Variants in ZMYM4 observed in about 807,000 individuals in gnomAD.
ZMYM4 encodes zinc finger MYM-type containing 4, also known as zinc finger MYM-type protein 4.
A neutral mutation model predicts 183.2 loss-of-function variants in ZMYM4; 31 were observed. The ratio of observed to expected loss-of-function variants is 0.17; its 90% confidence interval spans 0.13 to 0.23. The LOEUF (loss-of-function observed/expected upper bound fraction) is 0.23. Ranked by LOEUF, ZMYM4 falls within the 10% of genes least tolerant of loss-of-function variation. ZMYM4 has a pLI of 1.00. For synonymous variants in ZMYM4, 592 were observed against 631.2 expected, an observed-to-expected ratio of 0.94 and a Z score of 0.93; for missense variants, 1,273 against 1,840.3, an observed-to-expected ratio of 0.69 and a Z score of 5.64.
At chr1:35,410,590 G>A (rs551150405) in intron 26 of ZMYM4, among the ~76,000 whole-genome samples, 3 of 151,684 alleles carry the variant, frequency 2.0e-5, no homozygotes, top group South Asian at 2.1e-4. Flanking sequence ...CCAGGTTCAC[G>A]CCATTTTCCT....
intron 2 of ZMYM4, among the ~76,000 whole-genome samples, chr1:35,355,792 TC>T (rs1275444965): frequency 6.6e-6 from 1 of 152,344 alleles, no homozygotes; most frequent in Admixed American, 6.5e-5. Context: ...AAATAATTCT[TC>T]CGTAGTTTAT....
At chr1:35,363,074 A>G (rs1039405471) in intron 5 of ZMYM4, among the ~76,000 whole-genome samples, 2 of 152,164 alleles carry the variant, frequency 1.3e-5, no homozygotes, top group Non-Finnish European at 2.9e-5. Context: ...TCGGAGGCTG[A>G]GGGAGGAGAA....
intron 26 of ZMYM4, among the ~76,000 whole-genome samples, chr1:35,408,418 A>T (rs1461879692): frequency 1.3e-5 from 2 of 152,176 alleles, no homozygotes; most frequent in African/African-American, 4.8e-5. Flanking sequence ...TGACCTAGGA[A>T]ATTCTTAGAG....
chr1:35,310,087 G>A (rs966481758), intron 1 of ZMYM4, among the ~76,000 whole-genome samples: 4 of 151,832 alleles, frequency 2.6e-5, no homozygotes, highest in African/African-American at 9.7e-5. Context: ...CCACCACCAT[G>A]CCCGGCTAAT....
intron 1 of ZMYM4, among the ~76,000 whole-genome samples, chr1:35,280,839 A>G (rs1640121424): frequency 6.6e-6 from 1 of 152,192 alleles, no homozygotes; most frequent in Admixed American, 6.5e-5. Flanking sequence ...CAAGACCCTT[A>G]CATTAACTAC....
At chr1:35,338,986 T>A (rs1643088973) in intron 2 of ZMYM4, among the ~76,000 whole-genome samples, 1 of 152,248 alleles carries the variant, frequency 6.6e-6, no homozygotes, top group Admixed American at 6.5e-5. Context: ...AGTCTTTTCC[T>A]TTATGGTTTA....
Position 35,388,951 on chromosome 1 carries a change from G to A in ZMYM4, c.2305G>A (p.Gly769Arg), listed in dbSNP as rs1644641615. 1 of 1,613,928 alleles carries A rather than the reference G, an allele frequency of 6.2e-7. No homozygotes were observed. Among genetic ancestry groups the A allele is most frequent in the Non-Finnish European group, 8.5e-7 (1 of 1,179,958 alleles). The change falls in exon 14 of 30, where the codon GGA becomes AGA. Residue 769 changes from glycine to arginine, a missense_variant. Physicochemically the swap from Gly to Arg is moderately radical, Grantham distance 125. Around this residue, in one of 6 missense-constraint regions of ZMYM4, gnomAD observed 319 missense variants for 518.1 expected, o/e 0.62. Transcript: ENST00000314607. ...TAAACATGACTTGGCAAAACGCTGGGGAAATCACTGTAAAATGTGCAGTTA... is the reference window on the plus strand; with the variant it reads ...TAAACATGACTTGGCAAAACGCTGGAGAAATCACTGTAAAATGTGCAGTTA... ...LYKHDLAKRW[G>R]NHCKMCSYCL...
intron 1 of ZMYM4, among the ~76,000 whole-genome samples, chr1:35,302,116 A>T (rs1641305621): frequency 6.6e-6 from 1 of 151,980 alleles, no homozygotes; most frequent in African/African-American, 2.4e-5. Flanking sequence ...TCTCTAGAAC[A>T]AGGGTCAACA....
rs766935117 is a variant in ZMYM4, at chr1:35,389,933, CCTT to C, written c.2437-8_2437-6del. The C allele has an allele frequency of 1.6e-5, 26 of 1,600,610 alleles. No individual in the cohort carries two copies. Among genetic ancestry groups the C allele is most frequent in the South Asian group, 3.3e-5 (3 of 89,758 alleles). ...TAATTTGTTTCTTACTCCTTGACTA[CCTT>C]CTTCTTTTTAGATGGCCAAATGTGA... On this transcript the variant is annotated splice_polypyrimidine_tract_variant and intron_variant, in intron 14 of 29. Transcript: ENST00000314607. The surrounding 1 kb of genome is among the most constrained non-coding windows in gnomAD (Gnocchi z 4.0).
intron 1 of ZMYM4, among the ~76,000 whole-genome samples, chr1:35,316,499 A>G (rs1642052071): frequency 6.6e-6 from 1 of 152,248 alleles, no homozygotes; most frequent in Non-Finnish European, 1.5e-5. Flanking sequence ...TGTAATTAGC[A>G]GATGTCTCAC....
intron 1 of ZMYM4, among the ~76,000 whole-genome samples, chr1:35,317,853 G>T (rs1642116653): frequency 6.6e-6 from 1 of 152,148 alleles, no homozygotes; most frequent in Non-Finnish European, 1.5e-5. Context: ...GGAGTGTGTA[G>T]ATATGTCACC....
At chr1:35,275,100 A>G (rs1639805339) in intron 1 of ZMYM4, among the ~76,000 whole-genome samples, 1 of 152,212 alleles carries the variant, frequency 6.6e-6, no homozygotes, top group South Asian at 2.1e-4. Context: ...CCTAAGAAAT[A>G]CATTTTTGTT....
At chr1:35,310,994 G>A (rs533339633) in intron 1 of ZMYM4, among the ~76,000 whole-genome samples, 126 of 152,148 alleles carry the variant, frequency 8.3e-4, no homozygotes, top group African/African-American at 2.9e-3. Context: ...AAACACCACC[G>A]CAAACAGTAT....
intron 1 of ZMYM4, among the ~76,000 whole-genome samples, chr1:35,302,378 C>CTTTTT (rs1179477732): frequency 2.8e-4 from 24 of 86,154 alleles, no homozygotes; most frequent in Non-Finnish European, 4.0e-4. Flanking sequence ...GCTAATTTGA[C>CTTTTT]TTTTTTTTTT....
intron 6 of ZMYM4, 127 bp from the exon 7 acceptor site, chr1:35,370,245 A>C: frequency 2.8e-6 from 4 of 1,453,448 alleles, no homozygotes; most frequent in Non-Finnish European, 3.7e-6. Context: ...TATATTGCAT[A>C]ATTACTGTTG....
chr1:35,371,207 C>G (rs1360381928), intron 7 of ZMYM4, among the ~76,000 whole-genome samples: 1 of 150,806 alleles, frequency 6.6e-6, no homozygotes, highest in Non-Finnish European at 1.5e-5. Context: ...GCTCCGCCTC[C>G]CGGGTTCATG....
chr1:35,313,059 A>T (rs1404120476), intron 1 of ZMYM4, among the ~76,000 whole-genome samples: 1 of 151,946 alleles, frequency 6.6e-6, no homozygotes, highest in Admixed American at 6.6e-5. Flanking sequence ...ACAGCTGGCT[A>T]ATTTTTGTGT....
chr1:35,340,622 G>C (rs1643166001), intron 2 of ZMYM4, among the ~76,000 whole-genome samples: 1 of 151,882 alleles, frequency 6.6e-6, no homozygotes, highest in African/African-American at 2.4e-5. Flanking sequence ...GTTCACAATA[G>C]GGTTTGCGCT....
chr1:35,352,269 GCACACACACA>G lies in ZMYM4; in HGVS notation c.86-6625_86-6616del, dbSNP rs56011152. Among the ~76,000 whole-genome samples the G allele has an allele frequency of 4.9e-3, 605 of 124,564 alleles. 9 individuals carry two copies. Among genetic ancestry groups the G allele is most frequent in the South Asian group, 0.015 (57 of 3,802 alleles). 81.7% of individuals were successfully genotyped at this position (124,564 alleles called of 152,430 possible). A position where few individuals can be genotyped will look rare whatever the true frequency, so the allele number is the denominator to read the frequency against. ...TAAAAATTAGCGCGCACGCGCGCGC[GCACACACACA>G]CACACACACACACACACACACACAC... On this transcript the variant is annotated intron_variant, in intron 2 of 29. Coordinates refer to ENST00000314607, the MANE Select transcript of ZMYM4 (RefSeq NM_005095.3).
Sources: allele counts gnomAD v4.1 joint callset (sites outside exome capture counted in the v4.1 genomes callset), GRCh38; gene constraint gnomAD v4.1.1; regional missense constraint gnomAD v4.1.1; non-coding constraint Gnocchi (gnomAD v3.1); transcripts MANE v1.5; gene names NCBI Gene and HGNC (gene_info 2026-07-23, HGNC 2026-07-21).